Variants in HEXB observed in about 807,000 individuals in gnomAD.
HEXB encodes beta-hexosaminidase subunit beta.
A neutral mutation model predicts 71.2 loss-of-function variants in HEXB; 51 were observed. The observed-to-expected ratio is 0.72, with a 90% CI of 0.57 to 0.90. The LOEUF (loss-of-function observed/expected upper bound fraction) is 0.90, where lower values mean the gene tolerates loss of function less well. Among genes scored for constraint, HEXB ranks in the 40% least tolerant of loss-of-function variants. The pLI is 0.00. For synonymous variants in HEXB, 266 were observed against 249.3 expected (o/e 1.07, Z -0.63); for missense variants, 617 against 677.0 (o/e 0.91, Z 0.98).
chr5:74,683,940 G>C (rs888284662), upstream of HEXB, among the ~76,000 whole-genome samples: 1 of 150,440 alleles, frequency 6.6e-6, no homozygotes, highest in Non-Finnish European at 1.5e-5. Context: ...CCTGCCTCAG[G>C]CTCCTGAGTA....
upstream of HEXB, among the ~76,000 whole-genome samples, chr5:74,684,866 G>C (rs566757482): frequency 1.3e-5 from 2 of 151,868 alleles, no homozygotes; most frequent in Non-Finnish European, 2.9e-5. Flanking sequence ...TTGTAGAGTC[G>C]GGGTTTCACC....
upstream of HEXB, chr5:74,685,091 G>T (rs112873019): frequency 1.3e-5 from 9 of 687,204 alleles, no homozygotes; most frequent in African/African-American, 1.2e-4. Flanking sequence ...GGACAGGGCG[G>T]GCTGGGCGAG....
At chr5:74,673,551 T>A (rs820842) in intron 1 of HEXB, among the ~76,000 whole-genome samples, 47,117 of 151,878 alleles carry the variant, frequency 0.31, 8,994 homozygotes, top group Non-Finnish European at 0.42. Context: ...CCATCTCCCC[T>A]CCTCCCAGTG....
intron 1 of HEXB, among the ~76,000 whole-genome samples, chr5:74,669,844 A>C (rs1166023670): frequency 1.3e-5 from 2 of 152,196 alleles, no homozygotes; most frequent in Non-Finnish European, 2.9e-5. Flanking sequence ...GAAATAAGTA[A>C]GAGACTGGGG....
intron 1 of HEXB, among the ~76,000 whole-genome samples, chr5:74,659,054 A>G (rs1331139559): frequency 6.6e-6 from 1 of 152,124 alleles, no homozygotes; most frequent in Non-Finnish European, 1.5e-5. Flanking sequence ...TTTAACTTTC[A>G]TTTTAATATA....
chr5:74,676,758 C>A (rs777464154), intron 1 of HEXB, among the ~76,000 whole-genome samples: 4 of 151,914 alleles, frequency 2.6e-5, no homozygotes, highest in Non-Finnish European at 4.4e-5. Context: ...AGATGAGATT[C>A]TCTCAAAAAA....
At chr5:74,707,834 GTGAC>G (rs1183285991) in intron 6 of HEXB, among the ~76,000 whole-genome samples, 2 of 151,842 alleles carry the variant, frequency 1.3e-5, no homozygotes, top group African/African-American at 2.4e-5. Context: ...GAAAGTGAAA[GTGAC>G]GGGGAGAATG....
At chr5:74,671,142 G>T (rs1027641119) in intron 1 of HEXB, among the ~76,000 whole-genome samples, 1 of 151,712 alleles carries the variant, frequency 6.6e-6, no homozygotes, top group Admixed American at 6.6e-5. Flanking sequence ...AACAACTACA[G>T]TAAGGGACAA....
At chr5:74,705,526 T>G (rs971902365) in intron 6 of HEXB, 1 of 555,572 alleles carries the variant, frequency 1.8e-6, no homozygotes, top group Non-Finnish European at 3.2e-6. Context: ...TAATTGTTAC[T>G]GTGAATATAA....
intron 1 of HEXB, among the ~76,000 whole-genome samples, chr5:74,661,528 T>G (rs992523961): frequency 2.9e-5 from 2 of 68,546 alleles, no homozygotes; most frequent in Non-Finnish European, 5.3e-5. Flanking sequence ...TGTGTGTGTG[T>G]GTGTGTGTGT....
chr5:74,672,721 C>T (rs961689537), intron 1 of HEXB, among the ~76,000 whole-genome samples: 8 of 152,214 alleles, frequency 5.3e-5, no homozygotes, highest in African/African-American at 1.9e-4. Flanking sequence ...CCTGTCACAC[C>T]TCCTTGTTCA....
At chr5:74,695,859 TA>T (rs1749102373) in intron 3 of HEXB, among the ~76,000 whole-genome samples, 1 of 139,188 alleles carries the variant, frequency 7.2e-6, no homozygotes, top group Non-Finnish European at 1.6e-5. Context: ...AAAAAAAAGA[TA>T]AAACCACTCT....
intron 5 of HEXB, among the ~76,000 whole-genome samples, chr5:74,704,812 C>T (rs191517160): frequency 5.9e-5 from 9 of 152,234 alleles, no homozygotes; most frequent in Non-Finnish European, 1.0e-4. Context: ...TAAATTTTAG[C>T]CAGGTGTGGT....
At chr5:74,670,009 G>A (rs774394848) in intron 1 of HEXB, among the ~76,000 whole-genome samples, 19 of 152,114 alleles carry the variant, frequency 1.2e-4, no homozygotes, top group Non-Finnish European at 2.2e-4. Flanking sequence ...AGACAGGGGT[G>A]GGTCCCCAGT....
At chr5:74,711,507 T>A (rs552780549) in intron 6 of HEXB, among the ~76,000 whole-genome samples, 1 of 151,906 alleles carries the variant, frequency 6.6e-6, no homozygotes, top group East Asian at 1.9e-4. Context: ...CAACCCACAA[T>A]ATGGGAGAAA....
chr5:74,699,395 C>G (rs958134561), intron 5 of HEXB, among the ~76,000 whole-genome samples: 5 of 151,828 alleles, frequency 3.3e-5, no homozygotes, highest in African/African-American at 7.3e-5. Context: ...TTGCCTCTGT[C>G]TCTCGAGTAG....
chr5:74,718,708 T>C, intron 10 of HEXB, 89 bp from the exon 11 acceptor site: 1 of 1,298,538 alleles, frequency 7.7e-7, no homozygotes, highest in Non-Finnish European at 1.1e-6. Context: ...TCTTAGAAAA[T>C]TATGTTCCTA....
chr5:74,705,243 A>C lies in HEXB; in HGVS notation c.694A>C (p.Asn232His), dbSNP rs1050332517. The C allele has an allele frequency of 1.2e-5, 20 of 1,610,660 alleles. No homozygotes were observed. Among genetic ancestry groups the C allele is most frequent in the Non-Finnish European group, 1.5e-5 (18 of 1,176,878 alleles). The change falls in exon 6 of 14, where the codon AAT becomes CAT. Residue 232 changes from asparagine to histidine, a missense_variant. Transcript: ENST00000261416. Reference protein sequence around the residue: ...TLDAMAFNKFNVLHWHIVDDQ... With the variant: ...TLDAMAFNKFHVLHWHIVDDQ... ...GGATGCCATGGCTTTTAATAAGTTTAATGTTCTTCACTGGCACATAGTTGA... is the reference window on the plus strand; with the variant it reads ...GGATGCCATGGCTTTTAATAAGTTTCATGTTCTTCACTGGCACATAGTTGA...
At chr5:74,720,790 T>C in intron 13 of HEXB, 43 bp downstream of exon 13, 1 of 1,441,074 alleles carries the variant, frequency 6.9e-7, no homozygotes, top group Non-Finnish European at 9.8e-7. Context: ...AACCTTCTTA[T>C]TCAGTGTTAG....
Sources: allele counts gnomAD v4.1 joint callset (sites outside exome capture counted in the v4.1 genomes callset), GRCh38; gene constraint gnomAD v4.1.1; transcripts MANE v1.5; gene names NCBI Gene and HGNC (gene_info 2026-07-23, HGNC 2026-07-21).